The following NLGN1 variants were observed in gnomAD, a reference collection of about 807,000 sequenced individuals.
The protein encoded by NLGN1 is neuroligin 1.
In NLGN1, 12 loss-of-function variants were observed where a neutral mutation model predicts 65.5. The ratio of observed to expected loss-of-function variants is 0.18; its 90% confidence interval spans 0.12 to 0.30. NLGN1 has a LOEUF of 0.30. Among genes scored for constraint, NLGN1 ranks in the 10% least tolerant of loss-of-function variants. The pLI is 1.00. For missense variants in NLGN1, 750 were observed against 1,007.1 expected (o/e 0.74, Z 3.46); for synonymous variants, 350 against 359.5 (o/e 0.97, Z 0.30).
intron 2 of NLGN1, among the ~76,000 whole-genome samples, chr3:173,572,207 C>T (rs1186590083): frequency 2.0e-5 from 3 of 152,104 alleles, no homozygotes; most frequent in Admixed American, 1.3e-4. Flanking sequence ...TGACCTAGCC[C>T]CAGCTCCAGA....
chr3:173,722,399 C>A (rs746031367), intron 3 of NLGN1, among the ~76,000 whole-genome samples: 1 of 151,860 alleles, frequency 6.6e-6, no homozygotes, highest in East Asian at 1.9e-4. Context: ...CCTGCCACCA[C>A]GCCCGACTAA....
intron 4 of NLGN1, among the ~76,000 whole-genome samples, chr3:174,108,501 A>G (rs1361318826): frequency 6.6e-6 from 1 of 151,844 alleles, no homozygotes; most frequent in Non-Finnish European, 1.5e-5. Flanking sequence ...GCTAAGCTGG[A>G]CAGTACTTAA....
chr3:174,139,321 A>C (rs901817783), intron 4 of NLGN1, among the ~76,000 whole-genome samples: 1 of 152,078 alleles, frequency 6.6e-6, no homozygotes, highest in Non-Finnish European at 1.5e-5. Flanking sequence ...CTGTCTCCGT[A>C]GTTTGGGGAT....
intron 2 of NLGN1, among the ~76,000 whole-genome samples, chr3:173,539,950 TTAGTGA>T (rs1256175176): frequency 6.7e-6 from 1 of 150,316 alleles, no homozygotes; most frequent in African/African-American, 2.5e-5. Context: ...TATATATATC[TTAGTGA>T]TAGAGTGCTG....
intron 4 of NLGN1, among the ~76,000 whole-genome samples, chr3:174,162,703 G>A (rs1726772365): frequency 6.6e-6 from 1 of 151,278 alleles, no homozygotes; most frequent in African/African-American, 2.4e-5. Context: ...ACTAAGAAAT[G>A]AGACAAGTTT....
At chr3:173,750,952 A>G (rs1160538167) in intron 3 of NLGN1, among the ~76,000 whole-genome samples, 1 of 152,124 alleles carries the variant, frequency 6.6e-6, no homozygotes, top group Non-Finnish European at 1.5e-5. Context: ...AGAGCTAAGT[A>G]AGGTAGTTGT....
chr3:173,434,733 A>G (rs1291248282), intron 1 of NLGN1, among the ~76,000 whole-genome samples: 1 of 152,178 alleles, frequency 6.6e-6, no homozygotes, highest in Non-Finnish European at 1.5e-5. Flanking sequence ...AAGCCACTCT[A>G]TTTTGTAGTT....
intron 3 of NLGN1, among the ~76,000 whole-genome samples, chr3:173,628,235 A>G (rs896467219): frequency 3.3e-5 from 5 of 152,210 alleles, no homozygotes; most frequent in African/African-American, 9.6e-5. Flanking sequence ...GTTCTTGTTT[A>G]TAGGTATGAG....
chr3:173,602,181 C>G (rs1198473560), intron 2 of NLGN1, among the ~76,000 whole-genome samples: 1 of 151,914 alleles, frequency 6.6e-6, no homozygotes, highest in Non-Finnish European at 1.5e-5. Context: ...GTAAATGAGA[C>G]ATAAATGCAT....
At chr3:174,255,292 G>A (rs537869406) in intron 4 of NLGN1, among the ~76,000 whole-genome samples, 7 of 152,016 alleles carry the variant, frequency 4.6e-5, no homozygotes, top group Non-Finnish European at 7.4e-5. Context: ...AAAATTAGCC[G>A]GGCGTGGTGG....
intron 4 of NLGN1, among the ~76,000 whole-genome samples, chr3:173,856,527 A>G (rs1343012592): frequency 6.6e-6 from 1 of 152,132 alleles, no homozygotes; most frequent in Non-Finnish European, 1.5e-5. Flanking sequence ...CAGAGGTTGA[A>G]AAGTTCTTTA....
chr3:174,235,662 A>G (rs1191649610), intron 4 of NLGN1, among the ~76,000 whole-genome samples: 1 of 152,150 alleles, frequency 6.6e-6, no homozygotes, highest in African/African-American at 2.4e-5. Context: ...GTTGTTTGTG[A>G]TTACAAATAG....
chr3:173,521,734 A>G (rs1187570847), intron 2 of NLGN1, among the ~76,000 whole-genome samples: 1 of 152,172 alleles, frequency 6.6e-6, no homozygotes, highest in African/African-American at 2.4e-5. Context: ...TTTGCTTGAC[A>G]TTGTTCTAAA....
At chr3:174,106,700 A>G (rs1713894182) in intron 4 of NLGN1, among the ~76,000 whole-genome samples, 1 of 151,952 alleles carries the variant, frequency 6.6e-6, no homozygotes, top group Non-Finnish European at 1.5e-5. Flanking sequence ...TCACATGATT[A>G]TGGAGGCTAT....
chr3:174,200,303 G>T (rs1734195112), intron 4 of NLGN1, among the ~76,000 whole-genome samples: 1 of 152,190 alleles, frequency 6.6e-6, no homozygotes. Context: ...TAATGGCTCA[G>T]AATATTAGCT....
intron 4 of NLGN1, among the ~76,000 whole-genome samples, chr3:173,890,432 A>T (rs1434811840): frequency 2.0e-5 from 3 of 152,128 alleles, no homozygotes; most frequent in Admixed American, 6.6e-5. Flanking sequence ...TTGGTGCAAA[A>T]TCTATCTGGC....
downstream of NLGN1, among the ~76,000 whole-genome samples, chr3:174,287,163 C>T (rs1200954769): frequency 6.6e-6 from 1 of 151,126 alleles, no homozygotes; most frequent in Non-Finnish European, 1.5e-5. Context: ...TCACTGGAAA[C>T]AATTAAAAAT....
chr3:174,112,256 T>C (rs1715398389), intron 4 of NLGN1, among the ~76,000 whole-genome samples: 1 of 151,938 alleles, frequency 6.6e-6, no homozygotes, highest in Admixed American at 6.6e-5. Flanking sequence ...AAGAATGAAG[T>C]CACTGGATAT....
chr3:173,456,381 C>G (rs1040647680), intron 2 of NLGN1, among the ~76,000 whole-genome samples: 1 of 152,034 alleles, frequency 6.6e-6, no homozygotes. Context: ...TGGACTGAGG[C>G]TCAGATTCTA....
Sources: allele counts gnomAD v4.1 joint callset (sites outside exome capture counted in the v4.1 genomes callset), GRCh38; gene constraint gnomAD v4.1.1; transcripts MANE v1.5; gene names NCBI Gene and HGNC (gene_info 2026-07-23, HGNC 2026-07-21).